DPYD: variants seen among roughly 807,000 people sequenced by gnomAD.
DPYD encodes dihydropyrimidine dehydrogenase [NADP(+)].
Under a neutral mutation model 116.2 loss-of-function variants are expected in DPYD, and 109 were observed. The observed-to-expected ratio is 0.94, with a 90% CI of 0.80 to 1.10. DPYD has a LOEUF of 1.10. DPYD is among the 50% of genes least tolerant of loss of function. The pLI, the probability that DPYD is intolerant of heterozygous loss-of-function variation, is 0.00. For missense variants in DPYD, 1,302 were observed against 1,254.5 expected (o/e 1.04, Z -0.57); for synonymous variants, 440 against 432.0 (o/e 1.02, Z -0.23).
intron 18 of DPYD, among the ~76,000 whole-genome samples, chr1:97,283,640 G>C (rs960907626): frequency 6.6e-6 from 1 of 151,884 alleles, no homozygotes; most frequent in Non-Finnish European, 1.5e-5. Context: ...TGAAATAAAC[G>C]CTGTATTTAC....
intron 18 of DPYD, among the ~76,000 whole-genome samples, chr1:97,288,581 T>C (rs2100971540): frequency 6.6e-6 from 1 of 151,748 alleles, no homozygotes; most frequent in South Asian, 2.1e-4. Context: ...TGCTCCTGAA[T>C]GACTACTGGG....
intron 20 of DPYD, among the ~76,000 whole-genome samples, chr1:97,119,307 C>G (rs141531550): frequency 8.5e-5 from 13 of 152,138 alleles, no homozygotes; most frequent in African/African-American, 3.1e-4. Context: ...AAAGCAATGA[C>G]ATGGAAATTA....
At chr1:97,835,472 T>A (rs1335680786) in intron 2 of DPYD, among the ~76,000 whole-genome samples, 1 of 152,100 alleles carries the variant, frequency 6.6e-6, no homozygotes, top group African/African-American at 2.4e-5. Context: ...TATTTTAAGA[T>A]TTCATCTCTC....
At chr1:97,379,038 G>A (rs1035693889) in intron 15 of DPYD, among the ~76,000 whole-genome samples, 1 of 152,188 alleles carries the variant, frequency 6.6e-6, no homozygotes, top group African/African-American at 2.4e-5. Context: ...ATGCCCTGAA[G>A]CTTAAGCTTC....
intron 10 of DPYD, among the ~76,000 whole-genome samples, chr1:97,576,370 T>TGCTGTA (rs1340556690): frequency 2.6e-5 from 4 of 152,192 alleles, no homozygotes; most frequent in Non-Finnish European, 5.9e-5. Flanking sequence ...CACTGAACTA[T>TGCTGTA]GCTGTACCTA....
intron 20 of DPYD, among the ~76,000 whole-genome samples, chr1:97,165,162 T>A (rs1199910289): frequency 6.6e-6 from 1 of 152,112 alleles, no homozygotes; most frequent in East Asian, 1.9e-4. Context: ...AGCATCAAGT[T>A]ACCTGACTCT....
chr1:97,146,398 C>A (rs1332792703), intron 20 of DPYD, among the ~76,000 whole-genome samples: 5 of 152,088 alleles, frequency 3.3e-5, no homozygotes, highest in Non-Finnish European at 7.4e-5. Context: ...GACAAACTGG[C>A]CTATATGATC....
At chr1:97,794,724 CG>C (rs1333743778) in intron 3 of DPYD, among the ~76,000 whole-genome samples, 2 of 151,964 alleles carry the variant, frequency 1.3e-5, no homozygotes, top group African/African-American at 2.4e-5. Context: ...TTATACTTTT[CG>C]GAAAAAAGTC....
At chr1:97,197,627 A>G (rs898421036) in intron 19 of DPYD, among the ~76,000 whole-genome samples, 2 of 152,224 alleles carry the variant, frequency 1.3e-5, no homozygotes, top group Admixed American at 6.5e-5. Flanking sequence ...ATTTGTATAC[A>G]GTAGACTCAG....
At chr1:97,759,915 T>C (rs1261519661) in intron 3 of DPYD, among the ~76,000 whole-genome samples, 2 of 152,106 alleles carry the variant, frequency 1.3e-5, no homozygotes, top group Admixed American at 1.3e-4. Context: ...CATTTATGGA[T>C]ATATGGGACG....
chr1:97,330,492 C>T (rs1005333152), intron 16 of DPYD, among the ~76,000 whole-genome samples: 9 of 152,282 alleles, frequency 5.9e-5, no homozygotes, highest in African/African-American at 2.2e-4. Context: ...ATGTATTCAA[C>T]TGCTACTCTA....
intron 13 of DPYD, among the ~76,000 whole-genome samples, chr1:97,505,388 G>A (rs190113065): frequency 4.6e-5 from 7 of 151,686 alleles, no homozygotes; most frequent in African/African-American, 1.4e-4. Context: ...TCTCATGACC[G>A]TGACTATCCG....
chr1:97,807,142 T>C (rs1668113666), intron 3 of DPYD, among the ~76,000 whole-genome samples: 1 of 152,072 alleles, frequency 6.6e-6, no homozygotes, highest in Non-Finnish European at 1.5e-5. Context: ...GGTTTTTGTG[T>C]GGACATAAGT....
chr1:97,167,553 T>C (rs565497299), intron 20 of DPYD, among the ~76,000 whole-genome samples: 1 of 152,284 alleles, frequency 6.6e-6, no homozygotes, highest in Admixed American at 6.5e-5. Context: ...CGTGGATGAA[T>C]TGTGTGAAGA....
At chr1:97,194,617 G>A (rs1658619403) in intron 19 of DPYD, among the ~76,000 whole-genome samples, 1 of 151,916 alleles carries the variant, frequency 6.6e-6, no homozygotes, top group South Asian at 2.1e-4. Flanking sequence ...CAATTCTCCT[G>A]CCTCTGCCTC....
rs112800408 is a variant in DPYD at position 97,435,980 on chromosome 1, G to A, written c.1905+14079C>T. ...TTCTGCTAAATAAAAACTTTATATT[G>A]CCTCCTACATTTAAGCCTCTCATAA... On this transcript the variant is annotated intron_variant, in intron 14 of 22. Coordinates refer to ENST00000370192, the MANE Select transcript of DPYD (RefSeq NM_000110.4). Among the ~76,000 whole-genome samples the A allele has an allele frequency of 4.7e-4, 71 of 152,000 alleles. 1 individual carries two copies. Among genetic ancestry groups the A allele is most frequent in the African/African-American group, 1.7e-3 (69 of 41,506 alleles).
Position 97,267,065 on chromosome 1 carries a change from A to C in DPYD, c.2300-32071T>G, listed in dbSNP as rs144901394. Among the ~76,000 whole-genome samples, 63 of 152,296 alleles carry C rather than the reference A, an allele frequency of 4.1e-4. No homozygotes were observed. The East Asian group carries it at 9.1e-3, about 22-fold the overall frequency. On this transcript the variant is annotated intron_variant, in intron 18 of 22. Transcript: ENST00000370192. ...TACCCCGTAATGGGATCACTGGGTC[A>C]AATGGTATTTCTAGTTCTAGATCCT...
In DPYD at chr1:97,561,668, C is replaced by A. The variant is rs78557339; in HGVS notation, c.1340-11924G>T. On this transcript the variant is annotated intron_variant, in intron 11 of 22. Coordinates refer to ENST00000370192, the MANE Select transcript of DPYD (RefSeq NM_000110.4). ...TACCACAATTCTGGAATAAAATTCA[C>A]ATAGTTAAACACTAAAAACATTTCA... Among the ~76,000 whole-genome samples the A allele has an allele frequency of 3.1e-3, 478 of 152,288 alleles. 2 individuals are homozygous for A. Among genetic ancestry groups the A allele is most frequent in the African/African-American group, 0.011 (459 of 41,570 alleles).
At chr1:97,838,838 C>A (rs1042549655) in intron 2 of DPYD, among the ~76,000 whole-genome samples, 1 of 150,732 alleles carries the variant, frequency 6.6e-6, no homozygotes, top group Non-Finnish European at 1.5e-5. Flanking sequence ...GGCGACAGAG[C>A]GAGACTCCGT....
Sources: allele counts gnomAD v4.1 joint callset (sites outside exome capture counted in the v4.1 genomes callset), GRCh38; gene constraint gnomAD v4.1.1; transcripts MANE v1.5; gene names NCBI Gene and HGNC (gene_info 2026-07-23, HGNC 2026-07-21).